Variants in RDH8 observed in about 807,000 individuals in gnomAD.
The protein encoded by RDH8 is retinol dehydrogenase 8.
In RDH8, 14 loss-of-function variants were observed where a neutral mutation model predicts 22.3. The observed-to-expected ratio is 0.63, with a 90% CI of 0.42 to 0.98. The LOEUF (loss-of-function observed/expected upper bound fraction) is 0.98. Among genes scored for constraint, RDH8 ranks in the 50% least tolerant of loss-of-function variants. The probability of loss-of-function intolerance (pLI) is 0.00; values close to 1 mark genes in which losing one functional copy is unlikely to be tolerated. For missense variants in RDH8, 389 were observed against 409.8 expected, an observed-to-expected ratio of 0.95 and a Z score of 0.44; for synonymous variants, 175 against 171.7, an observed-to-expected ratio of 1.02 and a Z score of -0.15.
chr19:10,018,607 CA>C, intron 2 of RDH8, 123 bp from the exon 3 acceptor site: 1 of 689,150 alleles, frequency 1.5e-6, no homozygotes, highest in Non-Finnish European at 2.4e-6. Flanking sequence ...CATATTTGTC[CA>C]CCCAAGATAC....
intron 1 of RDH8, among the ~76,000 whole-genome samples, chr19:10,016,422 T>C (rs2087617355): frequency 6.6e-6 from 1 of 151,652 alleles, no homozygotes; most frequent in Admixed American, 6.6e-5. Context: ...CCCAAAGTGC[T>C]GGGATTACAG....
intron 3 of RDH8, among the ~76,000 whole-genome samples, 200 bp from the exon 4 acceptor site, chr19:10,020,509 G>A (rs1436569145): frequency 6.6e-6 from 1 of 151,806 alleles, no homozygotes; most frequent in Non-Finnish European, 1.5e-5. Context: ...GGTGGCACCC[G>A]GCACCCGAGA....
chr19:10,020,340 AGGAG>A (rs1009228438), intron 3 of RDH8, among the ~76,000 whole-genome samples: 37 of 38,570 alleles, frequency 9.6e-4, no homozygotes, highest in Non-Finnish European at 1.1e-3. Flanking sequence ...GAAGGAAGGA[AGGAG>A]GGAGGGAGGG....
chr19:10,019,361 G>A (rs1044933593), intron 3 of RDH8, among the ~76,000 whole-genome samples: 2 of 152,018 alleles, frequency 1.3e-5, no homozygotes, highest in African/African-American at 2.4e-5. Context: ...GGATTCTGAA[G>A]TTCAGAAGGA....
intron 4 of RDH8, 80 bp from the exon 5 acceptor site, chr19:10,021,175 T>TAA (rs374839771): frequency 4.7e-4 from 529 of 1,133,182 alleles, no homozygotes; most frequent in Non-Finnish European, 5.9e-4. Flanking sequence ...CCCTGTATCT[T>TAA]AAAAAAAAAA....
At chr19:10,021,484 C>A (rs752173739) in intron 5 of RDH8, 46 bp downstream of exon 5, 2 of 1,613,608 alleles carry the variant, frequency 1.2e-6, no homozygotes, top group Admixed American at 3.3e-5. Flanking sequence ...AGGTATGTTG[C>A]GGGGTGAGGC....
intron 1 of RDH8, 29 bp downstream of exon 1, chr19:10,013,629 C>T (rs757484678): frequency 1.9e-6 from 3 of 1,612,700 alleles, no homozygotes; most frequent in Non-Finnish European, 2.5e-6. Flanking sequence ...CACTAGGAGG[C>T]AGCCGGGTGG....
chr19:10,019,299 A>C (rs983353105), intron 3 of RDH8, among the ~76,000 whole-genome samples: 2 of 147,846 alleles, frequency 1.4e-5, no homozygotes, highest in African/African-American at 4.9e-5. Context: ...CTCTGTCTCA[A>C]AAAAAATAAT....
chr19:10,015,218 T>G (rs1397516828), intron 1 of RDH8, among the ~76,000 whole-genome samples: 1 of 151,802 alleles, frequency 6.6e-6, no homozygotes, highest in Non-Finnish European at 1.5e-5. Flanking sequence ...TTGGGAGGCC[T>G]AGGTGGACAG....
At position 10,020,640 on chromosome 19, in the gene RDH8, A is replaced by G. The variant is rs1016628111; in HGVS notation, c.443-69A>G. ...CTTTGCTCTGTCTCCCAAAGACCCC[A>G]TCACCCTGGAACCCACAAAGCCCAC... On this transcript the variant is annotated intron_variant, in intron 3 of 5. Coordinates refer to ENST00000591589, the MANE Select transcript of RDH8 (RefSeq NM_015725.4). The G allele has an allele frequency of 1.3e-5, 12 of 958,538 alleles. No individual in the cohort carries two copies. In the African/African-American group the frequency reaches 1.3e-4, roughly 10 times the overall value. The allele number at this position is 958,538 out of a possible 1,614,324, so 59.4% of individuals were successfully genotyped here. A position where few individuals can be genotyped will look rare whatever the true frequency, so the allele number is the denominator to read the frequency against.
intron 1 of RDH8, among the ~76,000 whole-genome samples, chr19:10,015,059 G>C (rs946985061): frequency 1.3e-5 from 2 of 152,208 alleles, no homozygotes; most frequent in Non-Finnish European, 2.9e-5. Context: ...GCCCCCAGGA[G>C]TGTTCATGGG....
At position 10,021,408 on chromosome 19, in the gene RDH8, C is replaced by T. The variant is rs757511859; in HGVS notation, c.690C>T (p.Ser230=). ...YLPASRKLFC[S]VGQNPQDVVQ... The stretch of plus-strand genomic sequence containing the variant: ...CAGCCTCCAGGAAGCTGTTTTGCTC[C>T]GTGGGACAGAACCCACAGGACGTGG... The change falls in exon 5 of 6, where the codon TCC becomes TCT. Residue 230 remains serine (S), a synonymous_variant. Coordinates refer to ENST00000591589, the MANE Select transcript of RDH8 (RefSeq NM_015725.4). The T allele has an allele frequency of 3.7e-6, 6 of 1,614,054 alleles. No homozygotes were observed. Among genetic ancestry groups the T allele is most frequent in the South Asian group, 2.2e-5 (2 of 91,074 alleles).
chr19:10,021,144 A>T, intron 4 of RDH8, 111 bp from the exon 5 acceptor site: 1 of 1,038,092 alleles, frequency 9.6e-7, no homozygotes, highest in Non-Finnish European at 1.4e-6. Context: ...ACTGCACTCC[A>T]GCCTGGGCAA....
intron 1 of RDH8, among the ~76,000 whole-genome samples, chr19:10,013,829 G>A (rs953558851): frequency 2.9e-4 from 44 of 152,260 alleles, no homozygotes; most frequent in African/African-American, 7.9e-4. Context: ...CCCTCAGGAC[G>A]GGTGTCATGT....
rs369817400 is a variant in RDH8, at chr19:10,019,696, G to A, written c.442+786G>A. Among the ~76,000 whole-genome samples the A allele has an allele frequency of 2.6e-5, 4 of 152,154 alleles. 1 individual carries two copies. Among genetic ancestry groups the A allele is most frequent in the East Asian group, 1.9e-4 (1 of 5,180 alleles). On this transcript the variant is annotated intron_variant, in intron 3 of 5. Transcript: ENST00000591589. Reference sequence around the variant, plus strand: ...CACACCTGTAGTCCCAGCTACTCGGGGTGCTGAAGCAGGAGAATTGCTTGA... The same window carrying A: ...CACACCTGTAGTCCCAGCTACTCGGAGTGCTGAAGCAGGAGAATTGCTTGA...
At chr19:10,015,874 C>T (rs1022203631) in intron 1 of RDH8, among the ~76,000 whole-genome samples, 1 of 151,374 alleles carries the variant, frequency 6.6e-6, no homozygotes, top group African/African-American at 2.4e-5. Flanking sequence ...ATTGCTTGAA[C>T]CCAGGAGGTG....
intron 3 of RDH8, among the ~76,000 whole-genome samples, chr19:10,020,369 G>GGAGGGAGGAAGA (rs1164580378): frequency 7.2e-6 from 1 of 138,550 alleles, no homozygotes; most frequent in Non-Finnish European, 1.5e-5. Flanking sequence ...AGGAAGGAAG[G>GGAGGGAGGAAGA]AAGGGAGGGA....
chr19:10,016,359 G>A (rs1270162222), intron 1 of RDH8, among the ~76,000 whole-genome samples: 1 of 146,030 alleles, frequency 6.8e-6, no homozygotes, highest in Non-Finnish European at 1.5e-5. Context: ...GTTTCACCAT[G>A]TTAGCCAGGA....
chr19:10,014,883 T>A (rs2087598176), intron 1 of RDH8, among the ~76,000 whole-genome samples: 1 of 152,068 alleles, frequency 6.6e-6, no homozygotes, highest in African/African-American at 2.4e-5. Context: ...CTGTGAAAGG[T>A]CTTTGCTCAA....
Sources: gnomAD v4.1 joint callset for allele counts (sites outside exome capture counted in the v4.1 genomes callset) on GRCh38, gnomAD v4.1.1 for gene constraint, MANE v1.5 for transcripts, NCBI Gene and HGNC (gene_info 2026-07-23, HGNC 2026-07-21) for gene names.